The following VRK2 variants were observed in gnomAD, a reference collection of about 807,000 sequenced individuals.
The protein encoded by VRK2 is VRK serine/threonine kinase 2.
A neutral mutation model predicts 57.6 loss-of-function variants in VRK2; 60 were observed. The ratio of observed to expected loss-of-function variants is 1.04; its 90% CI spans 0.85 to 1.29. The LOEUF (loss-of-function observed/expected upper bound fraction) is 1.29, where lower values mean the gene tolerates loss of function less well. Among genes scored for constraint, VRK2 ranks in the 50% most tolerant of loss-of-function variants. The pLI, the probability that VRK2 is intolerant of heterozygous loss-of-function variation, is 0.00. For missense variants in VRK2, 705 were observed against 588.1 expected, an observed-to-expected ratio of 1.20 and a Z score of -2.06; for synonymous variants, 231 against 199.2, an observed-to-expected ratio of 1.16 and a Z score of -1.35.
rs542388476 is a variant in VRK2, at chr2:57,975,770, T to TTA, written c.-438-49895_-438-49894insTA. ...GTTTTCTCTCTCTCTTTTTTTTTTT[T>TTA]ACTTTTATTTTTGGTTCAGTTGGGT... is the stretch of plus-strand genomic sequence containing the variant. On this transcript the variant is annotated intron_variant, in intron 1 of 15. Transcript: ENST00000417641. Among the ~76,000 whole-genome samples the TTA allele has an allele frequency of 3.1e-4, 47 of 151,904 alleles. 1 individual carries two copies. In the South Asian group the frequency reaches 9.2e-3, roughly 30 times the overall value.
At chr2:58,072,705 T>C (rs1399048483) in intron 2 of VRK2, among the ~76,000 whole-genome samples, 1 of 151,974 alleles carries the variant, frequency 6.6e-6, no homozygotes, top group Admixed American at 6.6e-5. Flanking sequence ...ATGAGAGATA[T>C]TGATTTGTAG....
intron 1 of VRK2, among the ~76,000 whole-genome samples, chr2:57,927,334 T>C (rs539799443): frequency 6.6e-6 from 1 of 151,642 alleles, no homozygotes; most frequent in Non-Finnish European, 1.5e-5. Flanking sequence ...TGGAGTCCAG[T>C]GGCGTGATCT....
At chr2:58,086,821 C>G (rs144004286) in intron 5 of VRK2, among the ~76,000 whole-genome samples, 129 of 152,276 alleles carry the variant, frequency 8.5e-4, no homozygotes, top group African/African-American at 2.8e-3. Flanking sequence ...TGAAAAATAG[C>G]TGGCTTTCTC....
chr2:58,153,454 G>A (rs922237035), intron 12 of VRK2, among the ~76,000 whole-genome samples: 2 of 151,932 alleles, frequency 1.3e-5, no homozygotes, highest in African/African-American at 4.8e-5. Context: ...TGCTTTTTCT[G>A]TATCAATTAA....
intron 7 of VRK2, among the ~76,000 whole-genome samples, chr2:58,097,698 A>G (rs1223290706): frequency 2.0e-5 from 3 of 152,178 alleles, no homozygotes; most frequent in East Asian, 3.8e-4. Context: ...TAGTAATGCC[A>G]TAGGGCAACA....
chr2:57,916,332 G>C (rs1284683699), intron 1 of VRK2, among the ~76,000 whole-genome samples: 2 of 151,586 alleles, frequency 1.3e-5, no homozygotes, highest in East Asian at 1.9e-4. Flanking sequence ...CTTGAACCTG[G>C]GAGGCTGAGG....
At position 58,046,888 on chromosome 2, in the gene VRK2, G is replaced by A; in HGVS notation, c.-6+20G>A. The stretch of plus-strand genomic sequence containing the variant: ...GGCCCGGTCAGTCTCTTGCTCTGGG[G>A]TCTTGGGTGGCGGGCGGCACCTCCG... On this transcript the variant is annotated intron_variant, in intron 1 of 12. Transcript: ENST00000340157. 1.0e-6 allele frequency: 1 copy of A among 985,382 alleles called. No homozygotes were observed. Among genetic ancestry groups the A allele is most frequent in the Non-Finnish European group, 1.2e-6 (1 of 829,852 alleles). The allele number at this position is 985,382 out of a possible 1,614,324, so 61.0% of individuals were successfully genotyped here.
chr2:57,987,434 T>C (rs1400280963), intron 1 of VRK2, among the ~76,000 whole-genome samples: 4 of 152,122 alleles, frequency 2.6e-5, no homozygotes, highest in Non-Finnish European at 5.9e-5. Flanking sequence ...TAGGGAAAGG[T>C]AAATTAAAAT....
intron 1 of VRK2, among the ~76,000 whole-genome samples, chr2:57,980,091 G>C (rs1039892121): frequency 6.6e-6 from 1 of 151,964 alleles, no homozygotes; most frequent in East Asian, 1.9e-4. Context: ...GGGTTGGTTT[G>C]CTCTTATTTT....
intron 1 of VRK2, among the ~76,000 whole-genome samples, chr2:58,004,836 C>G (rs1380310108): frequency 6.6e-6 from 1 of 152,048 alleles, no homozygotes; most frequent in Non-Finnish European, 1.5e-5. Context: ...TGAAGGTGAT[C>G]AGGCATTATT....
intron 2 of VRK2, chr2:58,058,369 C>T (rs1461032827): frequency 2.1e-6 from 1 of 470,384 alleles, no homozygotes; most frequent in African/African-American, 2.0e-5. Context: ...GGCCATTTTT[C>T]TCTCTCCAAT....
At chr2:58,083,967 T>C (rs575133454) in intron 2 of VRK2, 122 bp from the exon 3 acceptor site, 22 of 996,526 alleles carry the variant, frequency 2.2e-5, no homozygotes, top group Non-Finnish European at 3.0e-5. Context: ...CCATAAAAGG[T>C]TGTTGGGATG....
At chr2:58,136,967 CATATATT>C (rs1366537660) in intron 10 of VRK2, among the ~76,000 whole-genome samples, 1 of 122,546 alleles carries the variant, frequency 8.2e-6, no homozygotes, top group Non-Finnish European at 1.6e-5. Context: ...GTATATATAT[CATATATT>C]ATATATCATA....
chr2:57,961,742 T>G (rs1671768376), intron 1 of VRK2, among the ~76,000 whole-genome samples: 1 of 151,796 alleles, frequency 6.6e-6, no homozygotes, highest in African/African-American at 2.4e-5. Flanking sequence ...ACATCAATAC[T>G]TTCCAGTTGT....
intron 12 of VRK2, chr2:58,154,691 A>G: frequency 1.4e-6 from 1 of 714,232 alleles, no homozygotes; most frequent in South Asian, 1.5e-5. Flanking sequence ...AAGCATTTGG[A>G]GATTTTCCTA....
At chr2:57,980,347 A>T (rs557256057) in intron 1 of VRK2, among the ~76,000 whole-genome samples, 12 of 152,290 alleles carry the variant, frequency 7.9e-5, no homozygotes, top group Middle Eastern at 6.8e-3. Context: ...ATGGTTTTTG[A>T]GAGAACTTCT....
chr2:58,088,027 T>C (rs912380210), intron 5 of VRK2, among the ~76,000 whole-genome samples: 3 of 152,248 alleles, frequency 2.0e-5, no homozygotes, highest in South Asian at 4.1e-4. Flanking sequence ...TTCAAGGCCA[T>C]ATGGCAAGAA....
At chr2:57,944,380 G>A (rs536290012) in intron 1 of VRK2, among the ~76,000 whole-genome samples, 2 of 152,352 alleles carry the variant, frequency 1.3e-5, no homozygotes, top group South Asian at 4.1e-4. Context: ...GATGGACAAA[G>A]AATGGAAAAC....
At chr2:57,933,229 C>A (rs1030555944) in intron 1 of VRK2, among the ~76,000 whole-genome samples, 1 of 146,110 alleles carries the variant, frequency 6.8e-6, no homozygotes, top group Non-Finnish European at 1.5e-5. Context: ...TATTTTCTTT[C>A]TATATGATCC....
Sources: allele counts gnomAD v4.1 joint callset (sites outside exome capture counted in the v4.1 genomes callset), GRCh38; gene constraint gnomAD v4.1.1; transcripts MANE v1.5; gene names NCBI Gene and HGNC (gene_info 2026-07-23, HGNC 2026-07-21).